Variants in ABCA12 observed in about 807,000 individuals in gnomAD.
ABCA12 encodes glucosylceramide transporter ABCA12.
A neutral mutation model predicts 293.5 loss-of-function variants in ABCA12; 156 were observed. That is an observed-to-expected ratio of 0.53 (90% CI 0.47 to 0.61). ABCA12 has a LOEUF of 0.61. Ranked by LOEUF, ABCA12 falls within the 20% of genes least tolerant of loss-of-function variation. The probability of loss-of-function intolerance (pLI) is 0.00; values close to 1 mark genes in which losing one functional copy is unlikely to be tolerated. For missense variants in ABCA12, 2,797 were observed against 3,090.2 expected (o/e 0.91, Z 2.25); for synonymous variants, 1,063 against 1,108.0 (o/e 0.96, Z 0.81).
chr2:214,969,512 A>T (rs545698107), intron 37 of ABCA12, among the ~76,000 whole-genome samples: 1 of 152,192 alleles, frequency 6.6e-6, no homozygotes, highest in East Asian at 1.9e-4. Flanking sequence ...TGCAAATAAC[A>T]TCATAGTATG....
Position 215,079,219 on chromosome 2 carries a change from A to C in ABCA12, c.164-15000T>G, listed in dbSNP as rs181264319. On this transcript the variant is annotated intron_variant, in intron 2 of 52. Coordinates refer to ENST00000272895, the MANE Select transcript of ABCA12 (RefSeq NM_173076.3). ...CCTGGTTCAATATATAGAAAAGGTG[A>C]AAGATGCAAGAAGGTGCAATATAGC... Among the ~76,000 whole-genome samples the C allele has an allele frequency of 9.7e-4, 148 of 152,348 alleles. 3 individuals carry two copies. In the East Asian group the frequency reaches 0.027, roughly 27 times the overall value.
chr2:214,944,014 A>G (rs1017547014), intron 49 of ABCA12, among the ~76,000 whole-genome samples: 1 of 152,216 alleles, frequency 6.6e-6, no homozygotes, highest in African/African-American at 2.4e-5. Context: ...ATGATTTAGT[A>G]TCTCCTATAC....
rs1261622317 is a variant in ABCA12 at position 215,054,600 on chromosome 2, C to T, written c.382G>A (p.Val128Ile). Residue 128 changes from valine (V) to isoleucine (I), a missense_variant, in exon 4 of 53, where the codon GTT becomes ATT. Transcript: ENST00000272895. Reference sequence around the variant, plus strand: ...AGTGATGCATGCCTTCTTTCTGGAACTTGGGTGCTCTGGAATGATAAACTG... The same window carrying T: ...AGTGATGCATGCCTTCTTTCTGGAATTTGGGTGCTCTGGAATGATAAACTG... The part of the protein sequence containing the change: ...DSSLSFQSTQ[V>I]PERRHASLAT... 6.2e-7 allele frequency: 1 copy of T among 1,611,936 alleles called. No homozygotes were observed. Among genetic ancestry groups the T allele is most frequent in the Non-Finnish European group, 8.5e-7 (1 of 1,178,534 alleles).
intron 28 of ABCA12, 85 bp from the exon 29 acceptor site, chr2:214,983,950 G>GAA: frequency 1.8e-6 from 2 of 1,125,832 alleles, no homozygotes; most frequent in Non-Finnish European, 1.3e-6. Flanking sequence ...TTGTTAGAAG[G>GAA]AAAAAATACA....
Position 215,052,565 on chromosome 2 carries a change from T to G in ABCA12, c.429A>C (p.Pro143=). The change falls in exon 5 of 53, where the codon CCA becomes CCC. Residue 143 remains proline (P), a synonymous_variant. Transcript: ENST00000272895. ...HASLATVFPS[P]SSDLEIPGTY... ...TTCCGGGGATTTCCAAATCAGAACT[T>G]GGACTGGGAAATACTGTGGCTGTAA... is the stretch of plus-strand genomic sequence containing the variant. 6.2e-7 allele frequency: 1 copy of G among 1,612,422 alleles called. No homozygotes were observed. The highest frequency in any genetic ancestry group is 1.3e-5 in the African/African-American group (1 of 74,922).
intron 11 of ABCA12, 33 bp downstream of exon 11, chr2:215,025,640 G>GTTTTTTTTTTTTTTTTTT: frequency 8.2e-7 from 1 of 1,222,526 alleles, no homozygotes; most frequent in Non-Finnish European, 1.1e-6. Flanking sequence ...TTTTTTTTTT[G>GTTTTTTTTTTTTTTTTTT]TTTTTTGTTT....
Position 215,120,011 on chromosome 2 carries a change from C to T in ABCA12, c.70-8321G>A, listed in dbSNP as rs372484690. Among the ~76,000 whole-genome samples, 35 of 152,276 alleles carry T rather than the reference C, an allele frequency of 2.3e-4. 1 individual carries two copies. The highest frequency in any genetic ancestry group is 8.2e-4 in the African/African-American group (34 of 41,556). ...CACAATAGCAAAGACAGGAAATCAA[C>T]CTATGTGTCCATCAATGGTGAATTG... On this transcript the variant is annotated intron_variant, in intron 1 of 52. Coordinates refer to ENST00000272895, the MANE Select transcript of ABCA12 (RefSeq NM_173076.3).
At chr2:215,027,503 G>A (rs1224203590) in intron 9 of ABCA12, among the ~76,000 whole-genome samples, 1 of 151,988 alleles carries the variant, frequency 6.6e-6, no homozygotes, top group Non-Finnish European at 1.5e-5. Flanking sequence ...GCCATCATAG[G>A]TCATCTTAAG....
intron 17 of ABCA12, 81 bp downstream of exon 17, chr2:215,011,358 T>G: frequency 9.4e-7 from 1 of 1,059,448 alleles, no homozygotes; most frequent in Middle Eastern, 2.7e-4. Context: ...ACTTCATTTA[T>G]CATAAAAAAC....
At position 214,981,942 on chromosome 2, in the gene ABCA12, T is replaced by TTTATTATTATTATTA. The variant is rs200886578; in HGVS notation, c.4579+230_4579+244dup. Among the ~76,000 whole-genome samples the TTTATTATTATTATTA allele has an allele frequency of 5.7e-4, 73 of 128,628 alleles. 2 individuals carry two copies. The highest frequency in any genetic ancestry group is 7.9e-4 in the South Asian group (3 of 3,792). The allele number at this position is 128,628 out of a possible 152,430, so 84.4% of individuals were successfully genotyped here. On this transcript the variant is annotated intron_variant, in intron 30 of 52. Coordinates refer to ENST00000272895, the MANE Select transcript of ABCA12 (RefSeq NM_173076.3). ...ATGCCAGCCACCACAGTCAGCTGTT[T>TTTATTATTATTATTA]TTATTATTATTATTATTATTATTAT...
chr2:214,980,085 T>G (rs1699613801), intron 31 of ABCA12, among the ~76,000 whole-genome samples: 1 of 152,182 alleles, frequency 6.6e-6, no homozygotes, highest in South Asian at 2.1e-4. Flanking sequence ...AGCAGAAAAT[T>G]GAATTTTTGG....
At chr2:214,985,648 T>A (rs1699768520) in intron 28 of ABCA12, among the ~76,000 whole-genome samples, 1 of 152,190 alleles carries the variant, frequency 6.6e-6, no homozygotes, top group Non-Finnish European at 1.5e-5. Context: ...GCAGAGGCTG[T>A]ATGCTCACTC....
intron 36 of ABCA12, among the ~76,000 whole-genome samples, chr2:214,972,204 T>G (rs1404395126): frequency 6.6e-6 from 1 of 152,176 alleles, no homozygotes; most frequent in Non-Finnish European, 1.5e-5. Flanking sequence ...TTTTACTCTC[T>G]TCATCTTTTG....
At chr2:214,951,936 A>G (rs575202622) in intron 44 of ABCA12, among the ~76,000 whole-genome samples, 60 of 152,060 alleles carry the variant, frequency 3.9e-4, no homozygotes, top group African/African-American at 1.3e-3. Flanking sequence ...TATGAATACT[A>G]TTGTTATTCT....
chr2:215,058,681 T>C (rs1222316286), intron 3 of ABCA12, among the ~76,000 whole-genome samples: 1 of 152,014 alleles, frequency 6.6e-6, no homozygotes, highest in East Asian at 1.9e-4. Context: ...TAACTTCTAC[T>C]GGACCCGGCC....
intron 20 of ABCA12, among the ~76,000 whole-genome samples, chr2:215,002,800 G>T (rs965577869): frequency 6.6e-6 from 1 of 152,124 alleles, no homozygotes; most frequent in Non-Finnish European, 1.5e-5. Flanking sequence ...AGAGTCCCCC[G>T]AATTCAAACT....
At chr2:214,967,685 A>G (rs1054209501) in intron 38 of ABCA12, among the ~76,000 whole-genome samples, 1 of 152,174 alleles carries the variant, frequency 6.6e-6, no homozygotes, top group Non-Finnish European at 1.5e-5. Context: ...ATTACTTTCT[A>G]TATGATTTAC....
chr2:215,061,822 C>G (rs1201293204), intron 3 of ABCA12, among the ~76,000 whole-genome samples: 2 of 151,944 alleles, frequency 1.3e-5, no homozygotes, highest in Non-Finnish European at 2.9e-5. Context: ...GGCTTTAATC[C>G]TACTTCCAAA....
In ABCA12 at chr2:215,138,470, T is replaced by C. The variant is rs1703279493; in HGVS notation, c.-262A>G. 4.0e-6 allele frequency: 2 copies of C among 505,816 alleles called. No individual in the cohort carries two copies. Among genetic ancestry groups the C allele is most frequent in the Non-Finnish European group, 3.6e-6 (1 of 278,862 alleles). 31.3% of individuals were successfully genotyped at this position (505,816 alleles called of 1,614,324 possible). ...CAGATCAGTATCTTTGGGTGGCTTATGCTTATTTTAAAATAATATCCAGTT... is the reference window on the plus strand; with the variant it reads ...CAGATCAGTATCTTTGGGTGGCTTACGCTTATTTTAAAATAATATCCAGTT... On this transcript the variant is annotated 5_prime_UTR_variant, in exon 1 of 53. Transcript: ENST00000272895.
Sources: allele counts gnomAD v4.1 joint callset (sites outside exome capture counted in the v4.1 genomes callset), GRCh38; gene constraint gnomAD v4.1.1; transcripts MANE v1.5; gene names NCBI Gene and HGNC (gene_info 2026-07-23, HGNC 2026-07-21).